Variants in SHC4 observed in about 807,000 individuals in gnomAD.
SHC4 encodes SHC adaptor protein 4.
A neutral mutation model predicts 69.4 loss-of-function variants in SHC4; 41 were observed. The observed-to-expected ratio is 0.59, with a 90% CI of 0.46 to 0.77. SHC4 has a LOEUF of 0.77. Among genes scored for constraint, SHC4 ranks in the 30% least tolerant of loss-of-function variants. The pLI is 0.00. For missense variants in SHC4, 777 were observed against 783.8 expected (o/e 0.99, Z 0.10); for synonymous variants, 318 against 299.3 (o/e 1.06, Z -0.64).
chr15:48,907,686 C>T (rs1191289002), intron 2 of SHC4, among the ~76,000 whole-genome samples: 1 of 151,922 alleles, frequency 6.6e-6, no homozygotes, highest in Non-Finnish European at 1.5e-5. Flanking sequence ...TGAGTTACTT[C>T]ACTTAGAATA....
chr15:48,949,820 AAT>A (rs577323846), intron 1 of SHC4, among the ~76,000 whole-genome samples: 19 of 146,348 alleles, frequency 1.3e-4, no homozygotes, highest in African/African-American at 2.2e-4. Flanking sequence ...ATTACAAATT[AAT>A]ATATATATAA....
At chr15:48,915,748 C>T (rs1433318883) in intron 2 of SHC4, among the ~76,000 whole-genome samples, 2 of 152,202 alleles carry the variant, frequency 1.3e-5, no homozygotes, top group African/African-American at 2.4e-5. Context: ...TTTAATCAAC[C>T]GTGGGCATTC....
At chr15:48,875,674 T>A (rs949238369) in intron 4 of SHC4, among the ~76,000 whole-genome samples, 1 of 152,220 alleles carries the variant, frequency 6.6e-6, no homozygotes, top group Non-Finnish European at 1.5e-5. Context: ...GCAGAACTAT[T>A]CAAGTCTTTG....
intron 6 of SHC4, among the ~76,000 whole-genome samples, chr15:48,859,192 A>G (rs921340485): frequency 2.6e-5 from 4 of 152,202 alleles, no homozygotes; most frequent in African/African-American, 9.6e-5. Flanking sequence ...AACAGAACCT[A>G]TAACAGTGTT....
intron 1 of SHC4, among the ~76,000 whole-genome samples, chr15:48,941,581 A>G (rs74012199): frequency 0.023 from 3,572 of 152,248 alleles, 153 homozygotes; most frequent in African/African-American, 0.082. Context: ...GCGAGATCAC[A>G]GTCCCTGGGG....
At chr15:48,909,779 T>C (rs897527929) in intron 2 of SHC4, among the ~76,000 whole-genome samples, 2 of 152,240 alleles carry the variant, frequency 1.3e-5, no homozygotes, top group African/African-American at 2.4e-5. Context: ...TGCTGGATTT[T>C]GACAAATGTC....
intron 5 of SHC4, among the ~76,000 whole-genome samples, chr15:48,871,064 A>C (rs1327927938): frequency 6.6e-6 from 1 of 152,210 alleles, no homozygotes; most frequent in Non-Finnish European, 1.5e-5. Flanking sequence ...ATGACTCTAC[A>C]TTTTATTCCT....
intron 1 of SHC4, among the ~76,000 whole-genome samples, chr15:48,931,510 A>AC (rs1900964306): frequency 6.6e-6 from 1 of 152,134 alleles, no homozygotes; most frequent in African/African-American, 2.4e-5. Context: ...GTCAACTCTT[A>AC]CTTTTTTTTC....
At chr15:48,854,132 A>G (rs1392888773) in intron 8 of SHC4, among the ~76,000 whole-genome samples, 1 of 152,200 alleles carries the variant, frequency 6.6e-6, no homozygotes, top group Non-Finnish European at 1.5e-5. Context: ...CAAGCAAAAA[A>G]CAACCCCATT....
intron 11 of SHC4, among the ~76,000 whole-genome samples, chr15:48,826,956 C>T (rs893594319): frequency 3.9e-5 from 6 of 152,130 alleles, no homozygotes; most frequent in Non-Finnish European, 5.9e-5. Context: ...AACTTACTGT[C>T]GGCATGCCAA....
intron 1 of SHC4, among the ~76,000 whole-genome samples, chr15:48,944,000 T>C (rs1901227101): frequency 6.6e-6 from 1 of 151,860 alleles, no homozygotes; most frequent in African/African-American, 2.4e-5. Context: ...GAACATAAGG[T>C]GTAGGTAGGA....
At chr15:48,911,025 T>C (rs1900500091) in intron 2 of SHC4, among the ~76,000 whole-genome samples, 2 of 152,198 alleles carry the variant, frequency 1.3e-5, no homozygotes, top group African/African-American at 2.4e-5. Flanking sequence ...TGCTGTTGAA[T>C]AGAATGTGTA....
chr15:48,882,659 A>C (rs970577513), intron 4 of SHC4, among the ~76,000 whole-genome samples: 5 of 152,166 alleles, frequency 3.3e-5, no homozygotes, highest in Non-Finnish European at 7.4e-5. Flanking sequence ...GATTCTACCC[A>C]AAAGGCTGTC....
At chr15:48,872,626 T>G (rs2140994165) in intron 4 of SHC4, among the ~76,000 whole-genome samples, 1 of 152,350 alleles carries the variant, frequency 6.6e-6, no homozygotes, top group South Asian at 2.1e-4. Context: ...ATTTGTTCCA[T>G]CACTTTAACC....
chr15:48,882,137 A>G (rs1899957978), intron 4 of SHC4, among the ~76,000 whole-genome samples: 1 of 152,196 alleles, frequency 6.6e-6, no homozygotes, highest in Non-Finnish European at 1.5e-5. Flanking sequence ...TGTATCCACA[A>G]GGTCTCTCAT....
At chr15:48,961,395 T>A (rs952514660) in intron 1 of SHC4, among the ~76,000 whole-genome samples, 2 of 152,200 alleles carry the variant, frequency 1.3e-5, no homozygotes, top group African/African-American at 2.4e-5. Flanking sequence ...GTTTGAGTAC[T>A]ACAAGCCACC....
intron 1 of SHC4, among the ~76,000 whole-genome samples, chr15:48,936,504 G>A (rs745506042): frequency 6.6e-6 from 1 of 152,050 alleles, no homozygotes; most frequent in African/African-American, 2.4e-5. Context: ...AGTCTCCATT[G>A]TCTCCATCCC....
At chr15:48,886,056 A>C (rs942151881) in intron 3 of SHC4, among the ~76,000 whole-genome samples, 1 of 152,212 alleles carries the variant, frequency 6.6e-6, no homozygotes, top group African/African-American at 2.4e-5. Flanking sequence ...CAGGAGTTCG[A>C]GACCAGCGTG....
Position 48,963,160 on chromosome 15 carries a change from C to G in SHC4, c.-145G>C. The G allele has an allele frequency of 1.2e-6, 1 of 813,408 alleles. No individual in the cohort carries two copies. Among genetic ancestry groups the G allele is most frequent in the Middle Eastern group, 3.3e-4 (1 of 3,000 alleles). 50.4% of individuals were successfully genotyped at this position (813,408 alleles called of 1,614,324 possible). A position where few individuals can be genotyped will look rare whatever the true frequency, so the allele number is the denominator to read the frequency against. ...ACTCTGCTCTCGAGCTCGCCCACCT[C>G]GGCTCCCGGCCCCTTAAGGGTGACA... On this transcript the variant is annotated 5_prime_UTR_variant, in exon 1 of 12. Transcript: ENST00000332408.
Sources: gnomAD v4.1 joint callset for allele counts (sites outside exome capture counted in the v4.1 genomes callset) on GRCh38, gnomAD v4.1.1 for gene constraint, MANE v1.5 for transcripts, NCBI Gene and HGNC (gene_info 2026-07-23, HGNC 2026-07-21) for gene names.